PTPN14: variants seen among roughly 807,000 people sequenced by gnomAD.
PTPN14 encodes the protein tyrosine-protein phosphatase non-receptor type 14.
Under a neutral mutation model 126.8 loss-of-function variants are expected in PTPN14, and 53 were observed. The ratio of observed to expected loss-of-function variants is 0.42; its 90% CI spans 0.34 to 0.53. The LOEUF (loss-of-function observed/expected upper bound fraction) is 0.53, where lower values mean the gene tolerates loss of function less well. PTPN14 is among the 20% of genes least tolerant of loss of function. The pLI, the probability that PTPN14 is intolerant of heterozygous loss-of-function variation, is 0.08. For missense variants in PTPN14, 1,257 were observed against 1,552.9 expected (o/e 0.81, Z 3.20); for synonymous variants, 630 against 599.3 (o/e 1.05, Z -0.75).
intron 12 of PTPN14, 67 bp downstream of exon 12, chr1:214,386,777 C>T: frequency 1.4e-6 from 2 of 1,401,710 alleles, no homozygotes; most frequent in East Asian, 2.4e-5. Flanking sequence ...TTTTTTAAAG[C>T]CTTCTTTACT....
At chr1:214,471,654 A>G (rs1006830107) in intron 1 of PTPN14, among the ~76,000 whole-genome samples, 2 of 152,202 alleles carry the variant, frequency 1.3e-5, no homozygotes, top group African/African-American at 2.4e-5. Context: ...GTGGCAAAGC[A>G]TAGAGTTTAA....
intron 1 of PTPN14, chr1:214,533,273 T>G: frequency 1.6e-6 from 1 of 606,170 alleles, no homozygotes; most frequent in Non-Finnish European, 3.1e-6. Flanking sequence ...TGCGAGGCCC[T>G]GCTGAACATC....
intron 18 of PTPN14, among the ~76,000 whole-genome samples, chr1:214,363,859 T>G (rs1658009942): frequency 6.6e-6 from 1 of 152,174 alleles, no homozygotes; most frequent in Admixed American, 6.5e-5. Flanking sequence ...AGTCTCTCAG[T>G]GTAACTCCCT....
Position 214,473,842 on chromosome 1 carries a change from T to C in PTPN14, c.-154-8885A>G, listed in dbSNP as rs1039688382. ...AGTGCAAATGAGATTATTAGTTTCTTCTATCAATCAGTTTTAGAGCTGTAC... is the reference window on the plus strand; with the variant it reads ...AGTGCAAATGAGATTATTAGTTTCTCCTATCAATCAGTTTTAGAGCTGTAC... On this transcript the variant is annotated intron_variant, in intron 1 of 18. Coordinates refer to ENST00000366956, the MANE Select transcript of PTPN14 (RefSeq NM_005401.5). Among the ~76,000 whole-genome samples the C allele has an allele frequency of 2.0e-5, 3 of 152,230 alleles. No individual in the cohort carries two copies. The South Asian group carries it at 6.2e-4, about 31-fold the overall frequency.
intron 2 of PTPN14, among the ~76,000 whole-genome samples, chr1:214,454,857 G>A (rs11120328): frequency 0.38 from 57,787 of 151,992 alleles, 11,284 homozygotes; most frequent in East Asian, 0.53. Flanking sequence ...CAGAATTGGG[G>A]GAGGCAGGTA....
At position 214,451,754 on chromosome 1, in the gene PTPN14, TCA is replaced by T; in HGVS notation, c.344+49_344+50del. The T allele has an allele frequency of 2.5e-6, 4 of 1,580,326 alleles. No individual in the cohort carries two copies. In the South Asian group the frequency reaches 4.7e-5, roughly 18 times the overall value. On this transcript the variant is annotated intron_variant, in intron 3 of 18. Coordinates refer to ENST00000366956, the MANE Select transcript of PTPN14 (RefSeq NM_005401.5). ...CAGCTCATCTACTTCATTGGAAGCT[TCA>T]CAGTTAGTCAACACCCTTATATGGC...
intron 3 of PTPN14, among the ~76,000 whole-genome samples, chr1:214,438,636 T>A (rs1269156834): frequency 6.6e-6 from 1 of 152,160 alleles, no homozygotes; most frequent in Non-Finnish European, 1.5e-5. Context: ...GATTTGGGTT[T>A]TACTAATCAT....
rs746293540 is a variant in PTPN14 at position 214,364,712 on chromosome 1, T to C, written c.3272-37A>G. 1.3e-6 allele frequency: 2 copies of C among 1,592,042 alleles called. No individual in the cohort carries two copies. Among genetic ancestry groups the C allele is most frequent in the East Asian group, 2.2e-5 (1 of 44,462 alleles). On this transcript the variant is annotated intron_variant, in intron 17 of 18. Transcript: ENST00000366956. This position sits in a 1 kb window ranked among gnomAD's most constrained non-coding sequence, Gnocchi z 4.1. ...AATGCAAATTCTGTCACCAAAGTCC[T>C]CCATGGCTTCGCATGTAAGTTGGGG...
chr1:214,541,837 TCAGA>T (rs2102483774), intron 1 of PTPN14, among the ~76,000 whole-genome samples: 1 of 152,310 alleles, frequency 6.6e-6, no homozygotes, highest in East Asian at 1.9e-4. Flanking sequence ...CCTGTGTGCT[TCAGA>T]CAAAAATAAA....
At chr1:214,359,276 C>T (rs903121352) in intron 18 of PTPN14, among the ~76,000 whole-genome samples, 2 of 148,704 alleles carry the variant, frequency 1.3e-5, no homozygotes, top group Admixed American at 1.3e-4. Flanking sequence ...TGCAGTGGCT[C>T]AATCTCTGCT....
intron 16 of PTPN14, among the ~76,000 whole-genome samples, chr1:214,371,582 T>G (rs947595988): frequency 6.6e-5 from 10 of 152,232 alleles, no homozygotes; most frequent in African/African-American, 1.7e-4. Context: ...ACATAAGCTC[T>G]ATGGGGACAG....
At chr1:214,409,025 CAT>C (rs1467323096) in intron 5 of PTPN14, among the ~76,000 whole-genome samples, 4 of 152,184 alleles carry the variant, frequency 2.6e-5, no homozygotes, top group East Asian at 1.9e-4. Context: ...TGTTGTGACA[CAT>C]GTATATATTG....
intron 3 of PTPN14, among the ~76,000 whole-genome samples, chr1:214,451,007 C>T (rs1660261010): frequency 6.6e-6 from 1 of 152,212 alleles, no homozygotes; most frequent in Admixed American, 6.5e-5. Flanking sequence ...CATCAAAACT[C>T]CTGCTCTCGC....
chr1:214,390,789 C>G (rs1658730809), intron 11 of PTPN14, among the ~76,000 whole-genome samples, 199 bp downstream of exon 11: 1 of 152,166 alleles, frequency 6.6e-6, no homozygotes, highest in Non-Finnish European at 1.5e-5. Context: ...GCCTCAGCCA[C>G]ACTTAGAGTA....
intron 3 of PTPN14, among the ~76,000 whole-genome samples, chr1:214,447,190 T>C (rs547151005): frequency 6.6e-6 from 1 of 152,094 alleles, no homozygotes; most frequent in Non-Finnish European, 1.5e-5. Context: ...CTGTGAAACA[T>C]TCCTCTGGAA....
At chr1:214,454,908 T>C (rs1397845274) in intron 2 of PTPN14, among the ~76,000 whole-genome samples, 1 of 152,132 alleles carries the variant, frequency 6.6e-6, no homozygotes, top group Non-Finnish European at 1.5e-5. Context: ...AGCCAGAACA[T>C]CCTAACTTTA....
intron 18 of PTPN14, among the ~76,000 whole-genome samples, chr1:214,362,253 G>A (rs1657973094): frequency 6.6e-6 from 1 of 152,192 alleles, no homozygotes; most frequent in Admixed American, 6.5e-5. Context: ...GCAACCATGG[G>A]AAATAGGACA....
At chr1:214,520,065 A>AAAAAAATATAT in intron 1 of PTPN14, among the ~76,000 whole-genome samples, 19 of 71,112 alleles carry the variant, frequency 2.7e-4, no homozygotes, top group African/African-American at 1.3e-3. Flanking sequence ...AAAAAAAAAA[A>AAAAAAATATAT]ATATATATAT....
chr1:214,503,854 G>A (rs1404922403), intron 1 of PTPN14, among the ~76,000 whole-genome samples: 1 of 152,182 alleles, frequency 6.6e-6, no homozygotes, highest in Non-Finnish European at 1.5e-5. Context: ...ATGGCTTTTT[G>A]TTTATTTATT....
Sources: gnomAD v4.1 joint callset for allele counts (sites outside exome capture counted in the v4.1 genomes callset) on GRCh38, gnomAD v4.1.1 for gene constraint, Gnocchi (gnomAD v3.1) non-coding constraint, MANE v1.5 for transcripts, NCBI Gene and HGNC (gene_info 2026-07-23, HGNC 2026-07-21) for gene names.